DCC: variants seen among roughly 807,000 people sequenced by gnomAD.
DCC encodes netrin receptor DCC.
Under a neutral mutation model 172.5 loss-of-function variants are expected in DCC, and 58 were observed. The observed-to-expected ratio is 0.34, with a 90% CI of 0.27 to 0.42. DCC has a LOEUF of 0.42. Ranked by LOEUF, DCC falls within the 10% of genes least tolerant of loss-of-function variation. The pLI is 1.00. For missense variants in DCC, 1,740 were observed against 1,791.0 expected, an observed-to-expected ratio of 0.97 and a Z score of 0.51; for synonymous variants, 709 against 644.5, an observed-to-expected ratio of 1.10 and a Z score of -1.52.
rs577474902 is a variant in DCC at position 53,031,954 on chromosome 18, G to A, written c.986-31351G>A. On this transcript the variant is annotated intron_variant, in intron 5 of 28. Coordinates refer to ENST00000442544, the MANE Select transcript of DCC (RefSeq NM_005215.4). Reference sequence around the variant, plus strand: ...CAAAAAGGGGCATTTTGATGTTCTTGGTTGAACTGGTCCAGCAATATAAGA... The same window carrying A: ...CAAAAAGGGGCATTTTGATGTTCTTAGTTGAACTGGTCCAGCAATATAAGA... 3.3e-5 allele frequency among the ~76,000 whole-genome samples: 5 copies of A among 152,134 alleles called. No individual in the cohort carries two copies. The East Asian group carries it at 9.7e-4, about 29-fold the overall frequency.
At chr18:52,775,379 A>T (rs1368903725) in intron 2 of DCC, among the ~76,000 whole-genome samples, 1 of 152,182 alleles carries the variant, frequency 6.6e-6, no homozygotes, top group Non-Finnish European at 1.5e-5. Flanking sequence ...GCTTGTGTTA[A>T]GCAGCTCAAG....
At chr18:53,501,456 T>C (rs1420757308) in intron 27 of DCC, among the ~76,000 whole-genome samples, 2 of 152,202 alleles carry the variant, frequency 1.3e-5, no homozygotes, top group African/African-American at 2.4e-5. Context: ...ACTAAATCAT[T>C]AAATTAAATC....
intron 2 of DCC, among the ~76,000 whole-genome samples, chr18:52,850,489 A>C (rs2038958272): frequency 6.6e-6 from 1 of 152,140 alleles, no homozygotes; most frequent in Non-Finnish European, 1.5e-5. Flanking sequence ...CTGCTTGTAC[A>C]GTAAAGTTCT....
intron 21 of DCC, chr18:53,416,518 T>C (rs376007943): frequency 5.7e-6 from 2 of 352,718 alleles, no homozygotes; most frequent in Non-Finnish European, 1.1e-5. Context: ...TCCTGAGCTA[T>C]GGATTAAAGT....
chr18:53,218,776 G>A (rs1228497520), intron 12 of DCC, among the ~76,000 whole-genome samples: 2 of 152,152 alleles, frequency 1.3e-5, no homozygotes, highest in East Asian at 3.9e-4. Context: ...CTTTTTATAA[G>A]AATAATTTCC....
intron 2 of DCC, among the ~76,000 whole-genome samples, chr18:52,883,192 G>A (rs770260712): frequency 6.6e-6 from 1 of 152,024 alleles, no homozygotes; most frequent in South Asian, 2.1e-4. Flanking sequence ...TGGGTCTCAT[G>A]TTTTAATCTA....
chr18:52,842,595 A>G (rs116755422), intron 2 of DCC, among the ~76,000 whole-genome samples: 4,065 of 152,268 alleles, frequency 0.027, 161 homozygotes, highest in African/African-American at 0.089. Flanking sequence ...ATAATGTTTA[A>G]CCAAGTTTGT....
intron 1 of DCC, among the ~76,000 whole-genome samples, chr18:52,595,662 C>T (rs555901162): frequency 5.9e-5 from 9 of 152,304 alleles, no homozygotes; most frequent in Admixed American, 2.0e-4. Context: ...CCGCTATCAT[C>T]GCTCAATGGG....
chr18:52,400,622 C>G (rs1986398620), intron 1 of DCC, among the ~76,000 whole-genome samples: 1 of 152,014 alleles, frequency 6.6e-6, no homozygotes, highest in Non-Finnish European at 1.5e-5. Context: ...ATAAATCATT[C>G]TACTATAAAG....
At chr18:52,436,541 G>T (rs1987800715) in intron 1 of DCC, among the ~76,000 whole-genome samples, 1 of 152,170 alleles carries the variant, frequency 6.6e-6, no homozygotes. Flanking sequence ...CATCTCCATT[G>T]TAACAAGATT....
At chr18:52,483,473 A>G (rs2030056569) in intron 1 of DCC, among the ~76,000 whole-genome samples, 1 of 152,112 alleles carries the variant, frequency 6.6e-6, no homozygotes, top group South Asian at 2.1e-4. Context: ...ACATGTCCAA[A>G]ATGTCCTTAT....
chr18:52,415,514 C>A (rs62083533), intron 1 of DCC, among the ~76,000 whole-genome samples: 3 of 152,070 alleles, frequency 2.0e-5, no homozygotes, highest in Non-Finnish European at 4.4e-5. Flanking sequence ...TGGCAGGCAC[C>A]TTGCCCTCAA....
At chr18:52,671,687 G>A (rs1489445594) in intron 1 of DCC, among the ~76,000 whole-genome samples, 1 of 151,774 alleles carries the variant, frequency 6.6e-6, no homozygotes, top group Non-Finnish European at 1.5e-5. Context: ...ACACAGGTGT[G>A]TGTCACTACG....
At chr18:52,896,313 A>G (rs746970342) in intron 2 of DCC, among the ~76,000 whole-genome samples, 24 of 144,992 alleles carry the variant, frequency 1.7e-4, no homozygotes, top group Non-Finnish European at 3.2e-4. Context: ...AAGTAAAACA[A>G]GCAAATAATA....
chr18:53,350,536 G>A (rs1011428500), intron 15 of DCC, among the ~76,000 whole-genome samples: 3 of 152,026 alleles, frequency 2.0e-5, no homozygotes, highest in Non-Finnish European at 4.4e-5. Context: ...GGAATTAAGT[G>A]GAACTCTTAA....
chr18:52,990,112 A>G (rs776758490), intron 5 of DCC, among the ~76,000 whole-genome samples: 1 of 152,222 alleles, frequency 6.6e-6, no homozygotes, highest in Non-Finnish European at 1.5e-5. Context: ...ATGTTACCTT[A>G]TTCTTTCAAG....
chr18:52,750,213 A>C (rs968515075), intron 1 of DCC, among the ~76,000 whole-genome samples: 20 of 152,208 alleles, frequency 1.3e-4, no homozygotes, highest in African/African-American at 4.8e-4. Context: ...TAATTTTTGC[A>C]GATGAAGGAA....
intron 5 of DCC, among the ~76,000 whole-genome samples, chr18:53,029,189 A>G (rs2041995637): frequency 6.6e-6 from 1 of 152,192 alleles, no homozygotes; most frequent in Non-Finnish European, 1.5e-5. Context: ...CCAAATGTGG[A>G]TTTTTAGCCA....
chr18:53,297,609 T>G (rs1362331542), intron 12 of DCC, among the ~76,000 whole-genome samples: 1 of 152,176 alleles, frequency 6.6e-6, no homozygotes, highest in African/African-American at 2.4e-5. Flanking sequence ...AGCTAGGTTG[T>G]TTTACAAAAA....
Sources: gnomAD v4.1 joint callset for allele counts (sites outside exome capture counted in the v4.1 genomes callset) on GRCh38, gnomAD v4.1.1 for gene constraint, MANE v1.5 for transcripts, NCBI Gene and HGNC (gene_info 2026-07-23, HGNC 2026-07-21) for gene names.